The following TCF7L2 variants were observed in gnomAD, a reference collection of about 807,000 sequenced individuals.
TCF7L2 encodes transcription factor 7-like 2.
Under a neutral mutation model 77.9 loss-of-function variants are expected in TCF7L2, and 23 were observed. The observed-to-expected ratio is 0.30, with a 90% CI of 0.21 to 0.42. TCF7L2 has a LOEUF of 0.42. TCF7L2 is among the 10% of genes least tolerant of loss of function. The probability of loss-of-function intolerance (pLI) is 1.00; values close to 1 mark genes in which losing one functional copy is unlikely to be tolerated. For synonymous variants in TCF7L2, 413 were observed against 340.2 expected (o/e 1.21, Z -2.36); for missense variants, 654 against 793.1 (o/e 0.82, Z 2.11).
At position 113,151,742 on chromosome 10, in the gene TCF7L2, A is replaced by G. The variant is rs765635007; in HGVS notation, c.1019A>G (p.Lys340Arg). The stretch of plus-strand genomic sequence containing the variant: ...ATCTCCAGAAAGCATCAGGACTCCA[A>G]AAAGGAAGAAGAAAAGAAGAAGCCC... The change falls in exon 10 of 14, where the codon AAA (lysine) becomes AGA (arginine). Residue 340 changes from lysine to arginine, a missense_variant. Around this residue, in one of 6 missense-constraint regions of TCF7L2, gnomAD observed 179 missense variants for 270.6 expected, o/e 0.66. Transcript: ENST00000627217. The surrounding 1 kb of genome is among the most constrained non-coding windows in gnomAD (Gnocchi z 5.2). 1.9e-6 allele frequency: 3 copies of G among 1,601,954 alleles called. No individual in the cohort carries two copies. The highest frequency in any genetic ancestry group is 1.8e-5 in the Admixed American group (1 of 56,572).
At chr10:112,955,994 GT>G in intron 3 of TCF7L2, among the ~76,000 whole-genome samples, 1 of 152,230 alleles carries the variant, frequency 6.6e-6, no homozygotes, top group South Asian at 2.1e-4. Context: ...AGATTTCTCG[GT>G]GGAGAAATCC....
intron 5 of TCF7L2, among the ~76,000 whole-genome samples, chr10:113,044,542 C>G (rs1345321299): frequency 1.3e-5 from 2 of 152,182 alleles, no homozygotes; most frequent in African/African-American, 2.4e-5. Flanking sequence ...ACAGTGGCCC[C>G]TACCTCTGTG....
At chr10:112,967,825 G>A (rs2037339331) in intron 4 of TCF7L2, among the ~76,000 whole-genome samples, 2 of 151,900 alleles carry the variant, frequency 1.3e-5, no homozygotes, top group African/African-American at 2.4e-5. Context: ...AGTGGAGATG[G>A]GGTTTCTCCA....
At chr10:113,164,911 CATG>C (rs1483573181) in intron 13 of TCF7L2, among the ~76,000 whole-genome samples, 1 of 152,214 alleles carries the variant, frequency 6.6e-6, no homozygotes, top group Admixed American at 6.5e-5. Flanking sequence ...CCAGCAGCCT[CATG>C]GTGGTGGTGT....
At chr10:113,118,295 T>TTA (rs2136229413) in intron 5 of TCF7L2, among the ~76,000 whole-genome samples, 1 of 152,294 alleles carries the variant, frequency 6.6e-6, no homozygotes, top group East Asian at 1.9e-4. Context: ...TGGACGAGGC[T>TTA]TATATGTCTG....
chr10:112,986,998 T>C (rs2041665319), intron 4 of TCF7L2, among the ~76,000 whole-genome samples: 1 of 152,230 alleles, frequency 6.6e-6, no homozygotes. Flanking sequence ...GAATTACTCA[T>C]GTCATTTGCA....
At chr10:113,042,929 C>T (rs780041553) in intron 5 of TCF7L2, among the ~76,000 whole-genome samples, 29 of 152,098 alleles carry the variant, frequency 1.9e-4, no homozygotes, top group African/African-American at 2.7e-4. Flanking sequence ...TTAGAGTCGC[C>T]GATGAAGGGC....
At chr10:112,962,790 G>C (rs1444024861) in intron 3 of TCF7L2, among the ~76,000 whole-genome samples, 1 of 152,122 alleles carries the variant, frequency 6.6e-6, no homozygotes, top group African/African-American at 2.4e-5. Context: ...GTAGAGACGG[G>C]GTTTCACCAT....
chr10:112,966,244 G>A (rs115129840), intron 4 of TCF7L2, among the ~76,000 whole-genome samples: 3 of 139,986 alleles, frequency 2.1e-5, no homozygotes, highest in East Asian at 4.2e-4. Flanking sequence ...CAGTTGTGCC[G>A]CCAACCTTCT....
At chr10:113,064,700 C>T (rs971139656) in intron 5 of TCF7L2, among the ~76,000 whole-genome samples, 4 of 152,192 alleles carry the variant, frequency 2.6e-5, no homozygotes, top group Non-Finnish European at 5.9e-5. Flanking sequence ...TGTTCCAAAA[C>T]ATTGCCAGTT....
chr10:113,066,417 A>C (rs1397743968), intron 5 of TCF7L2, among the ~76,000 whole-genome samples: 1 of 152,198 alleles, frequency 6.6e-6, no homozygotes, highest in Non-Finnish European at 1.5e-5. Context: ...TTCAGGGAGA[A>C]AAAGAGCACG....
At chr10:113,100,041 T>G (rs2061461335) in intron 5 of TCF7L2, among the ~76,000 whole-genome samples, 1 of 152,184 alleles carries the variant, frequency 6.6e-6, no homozygotes, top group South Asian at 2.1e-4. Context: ...GGAGGAATTC[T>G]CAGCAAGCGT....
chr10:113,106,882 T>C (rs1203439911), intron 5 of TCF7L2, among the ~76,000 whole-genome samples: 1 of 152,198 alleles, frequency 6.6e-6, no homozygotes, highest in Non-Finnish European at 1.5e-5. Context: ...TGAAAACAAG[T>C]TTGGCACCAA....
rs568497795 is a variant in TCF7L2, at chr10:113,078,836, GT to G, written c.552+38722del. The stretch of plus-strand genomic sequence containing the variant: ...GATGGCAACAGCAGATTCTTTTTTT[GT>G]TTTTTTTTTTTCTGAGATGGAATTT... On this transcript the variant is annotated intron_variant, in intron 5 of 13. Coordinates refer to ENST00000627217, the MANE Select transcript of TCF7L2 (RefSeq NM_001146274.2). 1.8e-4 allele frequency among the ~76,000 whole-genome samples: 26 copies of G among 143,354 alleles called. No homozygotes were observed. The South Asian group carries it at 2.2e-3, about 12-fold the overall frequency. 94.0% of individuals were successfully genotyped at this position (143,354 alleles called of 152,430 possible).
intron 5 of TCF7L2, among the ~76,000 whole-genome samples, chr10:113,079,367 C>T (rs566074516): frequency 6.6e-6 from 1 of 152,304 alleles, no homozygotes; most frequent in African/African-American, 2.4e-5. Context: ...CTGCTCTGCT[C>T]AGGAGATCCA....
chr10:112,994,055 A>AG (rs71489992), intron 4 of TCF7L2, among the ~76,000 whole-genome samples: 1 of 83,712 alleles, frequency 1.2e-5, no homozygotes, highest in Non-Finnish European at 2.6e-5. Context: ...ACTCTGTCTC[A>AG]AAAAAAAAAA....
intron 4 of TCF7L2, among the ~76,000 whole-genome samples, chr10:113,014,085 G>A (rs1455170047): frequency 1.3e-5 from 2 of 152,256 alleles, no homozygotes; most frequent in African/African-American, 4.8e-5. Flanking sequence ...CAGGAGGACA[G>A]GGGTAGACGC....
Position 113,165,568 on chromosome 10 carries a change from T to G in TCF7L2, c.1405T>G (p.Cys469Gly), listed in dbSNP as rs2137646336. The change falls in exon 14 of 14, where the codon TGC (cysteine) becomes GGC (glycine). Residue 469 changes from cysteine to glycine, a missense_variant. This residue lies in a region of TCF7L2 where 272 missense variants were observed against 215.4 expected (regional missense o/e 1.26). Transcript: ENST00000627217. ...CCCTGTTTCTAGGAGAAAAAAAAAG[T>G]GCGTTCGCTACATACAAGGTGAAGG... 1 of 1,613,742 alleles carries G rather than the reference T, an allele frequency of 6.2e-7. No homozygotes were observed. The highest frequency in any genetic ancestry group is 8.5e-7 in the Non-Finnish European group (1 of 1,179,862).
At chr10:113,093,237 G>A (rs1216131246) in intron 5 of TCF7L2, among the ~76,000 whole-genome samples, 1 of 152,154 alleles carries the variant, frequency 6.6e-6, no homozygotes, top group African/African-American at 2.4e-5. Context: ...GAGGGAGGTG[G>A]TGTGATTATT....
Sources: gnomAD v4.1 joint callset for allele counts (sites outside exome capture counted in the v4.1 genomes callset) on GRCh38, gnomAD v4.1.1 for gene constraint, gnomAD v4.1.1 regional missense constraint, Gnocchi (gnomAD v3.1) non-coding constraint, MANE v1.5 for transcripts, NCBI Gene and HGNC (gene_info 2026-07-23, HGNC 2026-07-21) for gene names.